Variants in ADGRL3 observed in about 807,000 individuals in gnomAD.
ADGRL3 encodes the protein adhesion G protein-coupled receptor L3, also known as calcium-independent alpha-latrotoxin receptor 3.
In ADGRL3, 62 loss-of-function variants were observed where a neutral mutation model predicts 153.5. The ratio of observed to expected loss-of-function variants is 0.40; its 90% CI spans 0.33 to 0.50. ADGRL3 has a LOEUF of 0.50. ADGRL3 is among the 20% of genes least tolerant of loss of function. ADGRL3 has a pLI of 0.47. For missense variants in ADGRL3, 1,641 were observed against 1,859.4 expected, an observed-to-expected ratio of 0.88 and a Z score of 2.16; for synonymous variants, 710 against 672.5, an observed-to-expected ratio of 1.06 and a Z score of -0.86.
chr4:61,817,304 C>T (rs1252469796), intron 9 of ADGRL3, among the ~76,000 whole-genome samples: 1 of 152,204 alleles, frequency 6.6e-6, no homozygotes, highest in African/African-American at 2.4e-5. Flanking sequence ...GGTTGGGCTG[C>T]CAGTTCTGGA....
rs79438893 is a variant in ADGRL3 at position 61,220,868 on chromosome 4, T to G, written c.-240+19103T>G. Among the ~76,000 whole-genome samples, 623 of 152,310 alleles carry G rather than the reference T, an allele frequency of 4.1e-3. 6 individuals are homozygous for G. The highest frequency in any genetic ancestry group is 0.014 in the African/African-American group (584 of 41,568). On this transcript the variant is annotated intron_variant, in intron 1 of 26. Coordinates refer to ENST00000683033, the MANE Select transcript of ADGRL3 (RefSeq NM_001387552.1). ...CAGCGTCAGATAAGCATGCCAGAAATGCCTTTATTACTTATTTCTAATACT... is the reference window on the plus strand; with the variant it reads ...CAGCGTCAGATAAGCATGCCAGAAAGGCCTTTATTACTTATTTCTAATACT...
intron 2 of ADGRL3, among the ~76,000 whole-genome samples, chr4:61,471,273 C>G (rs2097949680): frequency 6.6e-6 from 1 of 151,462 alleles, no homozygotes; most frequent in African/African-American, 2.4e-5. Flanking sequence ...TTAAAAGCCT[C>G]CTCTATATTG....
intron 1 of ADGRL3, among the ~76,000 whole-genome samples, chr4:61,368,946 T>A (rs1170017750): frequency 6.6e-6 from 1 of 152,212 alleles, no homozygotes; most frequent in Non-Finnish European, 1.5e-5. Flanking sequence ...GTCCTTCACA[T>A]CCCTTGTAAG....
chr4:61,615,266 G>A (rs2091865656), intron 5 of ADGRL3, among the ~76,000 whole-genome samples: 1 of 152,082 alleles, frequency 6.6e-6, no homozygotes, highest in African/African-American at 2.4e-5. Flanking sequence ...AATGTGCCCA[G>A]TGTTTTGCTG....
intron 2 of ADGRL3, among the ~76,000 whole-genome samples, chr4:61,474,517 A>G (rs1049247175): frequency 6.6e-6 from 1 of 152,162 alleles, no homozygotes; most frequent in Non-Finnish European, 1.5e-5. Context: ...TAGTTGCTAA[A>G]TTTATAAAAC....
intron 6 of ADGRL3, among the ~76,000 whole-genome samples, chr4:61,722,550 T>G (rs993711495): frequency 1.3e-5 from 2 of 152,152 alleles, no homozygotes; most frequent in Non-Finnish European, 2.9e-5. Context: ...TATTTTGTAT[T>G]TAATAATAAC....
Position 61,201,322 on chromosome 4 carries a change from G to C in ADGRL3, c.-683G>C, listed in dbSNP as rs752726106. 3.3e-5 allele frequency: 5 copies of C among 153,160 alleles called. No homozygotes were observed. Among genetic ancestry groups the C allele is most frequent in the African/African-American group, 1.2e-4 (5 of 41,474 alleles). 9.5% of individuals were successfully genotyped at this position (153,160 alleles called of 1,614,324 possible). On this transcript the variant is annotated 5_prime_UTR_variant, in exon 1 of 27. Coordinates refer to ENST00000683033, the MANE Select transcript of ADGRL3 (RefSeq NM_001387552.1). ...AGAAGCAGCCCCAGCTATGACTGCC[G>C]CATGTTAATAGCTGCCGCTGGGTCC... is the stretch of plus-strand genomic sequence containing the variant.
intron 18 of ADGRL3, among the ~76,000 whole-genome samples, chr4:61,980,214 C>T (rs1055009995): frequency 4.0e-5 from 6 of 150,784 alleles, no homozygotes; most frequent in African/African-American, 1.5e-4. Flanking sequence ...TGTACATTCT[C>T]TGGGTTTGAG....
rs1041520288 is a variant in ADGRL3, at chr4:62,072,093, G to A, written c.*1185G>A. On this transcript the variant is annotated 3_prime_UTR_variant, in exon 27 of 27. Transcript: ENST00000683033. The stretch of plus-strand genomic sequence containing the variant: ...AGTGGGGCTTCTGCATGTGAAAAAC[G>A]GTTTTCCATAGGCATTAAAGTGCTG... The A allele has an allele frequency of 4.5e-5, 7 of 154,644 alleles. No individual in the cohort carries two copies. Among genetic ancestry groups the A allele is most frequent in the Admixed American group, 1.3e-4 (2 of 15,280 alleles). The allele number at this position is 154,644 out of a possible 1,614,324, so 9.6% of individuals were successfully genotyped here. A position where few individuals can be genotyped will look rare whatever the true frequency, so the allele number is the denominator to read the frequency against.
chr4:61,238,228 T>C (rs1162123439), intron 1 of ADGRL3, among the ~76,000 whole-genome samples: 2 of 152,164 alleles, frequency 1.3e-5, no homozygotes, highest in Non-Finnish European at 2.9e-5. Flanking sequence ...ATTGCCTCTT[T>C]AGATCTTCTT....
intron 8 of ADGRL3, among the ~76,000 whole-genome samples, chr4:61,750,714 C>T (rs1005932799): frequency 1.3e-5 from 2 of 150,604 alleles, no homozygotes; most frequent in Admixed American, 6.6e-5. Flanking sequence ...GGCGTGAACC[C>T]GGGAGGCGGA....
At chr4:62,024,304 A>G (rs998830407) in intron 21 of ADGRL3, among the ~76,000 whole-genome samples, 7 of 152,136 alleles carry the variant, frequency 4.6e-5, no homozygotes, top group African/African-American at 1.7e-4. Context: ...CAATATTGAT[A>G]TGGATCATTG....
chr4:61,452,957 C>T (rs1241170231), intron 2 of ADGRL3, among the ~76,000 whole-genome samples: 1 of 151,960 alleles, frequency 6.6e-6, no homozygotes, highest in East Asian at 1.9e-4. Flanking sequence ...GTTAATTTTC[C>T]AGTGGCACAG....
intron 2 of ADGRL3, chr4:61,425,504 G>A (rs1332828399): frequency 6.6e-6 from 1 of 152,294 alleles, no homozygotes; most frequent in Non-Finnish European, 1.5e-5. Flanking sequence ...TTTGCAGCAT[G>A]TCAATCTATG....
At chr4:61,920,349 A>G (rs1242779475) in intron 13 of ADGRL3, among the ~76,000 whole-genome samples, 1 of 152,208 alleles carries the variant, frequency 6.6e-6, no homozygotes, top group Admixed American at 6.5e-5. Context: ...TGAAACTATC[A>G]TTAACTTTTT....
intron 6 of ADGRL3, among the ~76,000 whole-genome samples, chr4:61,701,160 G>A (rs527257364): frequency 6.6e-6 from 1 of 152,294 alleles, no homozygotes; most frequent in African/African-American, 2.4e-5. Context: ...GAGGACTGGA[G>A]AAGGAAGACA....
At chr4:62,069,820 A>G (rs926282868) in intron 26 of ADGRL3, among the ~76,000 whole-genome samples, 2 of 152,140 alleles carry the variant, frequency 1.3e-5, no homozygotes, top group African/African-American at 2.4e-5. Context: ...ATGTCAGCCA[A>G]TGTTTGTGTG....
intron 2 of ADGRL3, among the ~76,000 whole-genome samples, chr4:61,384,812 T>C (rs928102378): frequency 4.6e-5 from 7 of 151,946 alleles, no homozygotes; most frequent in Non-Finnish European, 8.8e-5. Context: ...TTATACTAAC[T>C]GAAAAAGACA....
intron 8 of ADGRL3, among the ~76,000 whole-genome samples, chr4:61,791,725 C>G (rs952696575): frequency 6.6e-6 from 1 of 152,230 alleles, no homozygotes; most frequent in Admixed American, 6.5e-5. Flanking sequence ...GGCATCCAGA[C>G]ATTTCTATAC....
Sources: gnomAD v4.1 joint callset for allele counts (sites outside exome capture counted in the v4.1 genomes callset) on GRCh38, gnomAD v4.1.1 for gene constraint, MANE v1.5 for transcripts, NCBI Gene and HGNC (gene_info 2026-07-23, HGNC 2026-07-21) for gene names.